The following ROR2 variants were observed in gnomAD, a reference collection of about 807,000 sequenced individuals.
ROR2 encodes the protein ROR family WNT receptor 2, also known as tyrosine-protein kinase transmembrane receptor ROR2.
A neutral mutation model predicts 74.9 loss-of-function variants in ROR2; 33 were observed. The observed-to-expected ratio is 0.44, with a 90% CI of 0.33 to 0.59. The LOEUF (loss-of-function observed/expected upper bound fraction) is 0.59. Ranked by LOEUF, ROR2 falls within the 20% of genes least tolerant of loss-of-function variation. ROR2 has a pLI of 0.02. For missense variants in ROR2, 1,216 were observed against 1,313.8 expected, an observed-to-expected ratio of 0.93 and a Z score of 1.15; for synonymous variants, 586 against 558.7, an observed-to-expected ratio of 1.05 and a Z score of -0.69.
chr9:91,883,976 T>C (rs112328499), intron 1 of ROR2, among the ~76,000 whole-genome samples: 1,643 of 152,246 alleles, frequency 0.011, 38 homozygotes, highest in African/African-American at 0.038. Flanking sequence ...GTTATGGCCA[T>C]TGAGACAAGT....
intron 1 of ROR2, among the ~76,000 whole-genome samples, chr9:91,917,241 G>A (rs112309350): frequency 2.6e-5 from 4 of 152,078 alleles, no homozygotes; most frequent in African/African-American, 4.8e-5. Context: ...ACCCCCTTAC[G>A]CTGGGTCTGT....
intron 1 of ROR2, among the ~76,000 whole-genome samples, chr9:91,854,203 G>C (rs1829202384): frequency 6.6e-6 from 1 of 152,190 alleles, no homozygotes; most frequent in African/African-American, 2.4e-5. Flanking sequence ...TATTGTTGGA[G>C]GATTGCTGAT....
chr9:91,914,213 G>C (rs1371934869), intron 1 of ROR2, among the ~76,000 whole-genome samples: 1 of 152,102 alleles, frequency 6.6e-6, no homozygotes, highest in African/African-American at 2.4e-5. Flanking sequence ...TTCGAGCCAC[G>C]GGGCCATCCT....
At chr9:91,770,476 C>T (rs1272410645) in intron 2 of ROR2, among the ~76,000 whole-genome samples, 2 of 152,174 alleles carry the variant, frequency 1.3e-5, no homozygotes, top group East Asian at 3.9e-4. Flanking sequence ...GAGTGTCTTC[C>T]GTATTCTAAG....
chr9:91,793,020 G>T (rs902287882), intron 1 of ROR2, among the ~76,000 whole-genome samples: 1 of 152,316 alleles, frequency 6.6e-6, no homozygotes, highest in Admixed American at 6.5e-5. Flanking sequence ...ATCCTTCATA[G>T]TCTCTTCCTA....
intron 2 of ROR2, among the ~76,000 whole-genome samples, chr9:91,765,528 G>A (rs991406668): frequency 6.6e-6 from 1 of 152,200 alleles, no homozygotes; most frequent in Non-Finnish European, 1.5e-5. Flanking sequence ...TTTTGGCTTG[G>A]AATTTCCTAT....
chr9:91,727,197 T>C (rs1045399555), intron 7 of ROR2, among the ~76,000 whole-genome samples: 5 of 152,166 alleles, frequency 3.3e-5, no homozygotes, highest in African/African-American at 1.2e-4. Context: ...ACACGATCCT[T>C]TTCCTCATTC....
At chr9:91,838,991 G>A (rs1387767131) in intron 1 of ROR2, among the ~76,000 whole-genome samples, 2 of 152,062 alleles carry the variant, frequency 1.3e-5, no homozygotes, top group East Asian at 1.9e-4. Context: ...ATCTAACAAC[G>A]GAATCCTGGG....
At chr9:91,882,383 C>T (rs1830137418) in intron 1 of ROR2, among the ~76,000 whole-genome samples, 1 of 150,292 alleles carries the variant, frequency 6.7e-6, no homozygotes, top group Admixed American at 6.7e-5. Flanking sequence ...TGCACTCCAG[C>T]CCAGGCGACA....
chr9:91,871,800 C>A (rs1370946693), intron 1 of ROR2, among the ~76,000 whole-genome samples: 2 of 152,196 alleles, frequency 1.3e-5, no homozygotes, highest in African/African-American at 2.4e-5. Flanking sequence ...GAAGGCCAAG[C>A]CACCTGGAGA....
At chr9:91,784,867 C>A (rs1299138912) in intron 1 of ROR2, among the ~76,000 whole-genome samples, 1 of 152,162 alleles carries the variant, frequency 6.6e-6, no homozygotes, top group African/African-American at 2.4e-5. Flanking sequence ...AGGTAACTGG[C>A]TGTTTATTTT....
intron 1 of ROR2, among the ~76,000 whole-genome samples, chr9:91,895,780 G>C (rs1830522663): frequency 6.6e-6 from 1 of 152,196 alleles, no homozygotes. Context: ...AAAGACGGCG[G>C]TTGCAGTGAG....
Position 91,764,767 on chromosome 9 carries a change from T to C in ROR2, c.176-7208A>G, listed in dbSNP as rs73651507. 8.3e-3 allele frequency among the ~76,000 whole-genome samples: 1,261 copies of C among 152,314 alleles called. 24 individuals are homozygous for C. The highest frequency in any genetic ancestry group is 0.028 in the African/African-American group (1,147 of 41,574). ...GCTCATCCTGAATAACATTCATTCT[T>C]TGGGTAAAGGACTAAGGCTGCAAAC... is the stretch of plus-strand genomic sequence containing the variant. On this transcript the variant is annotated intron_variant, in intron 2 of 8. Coordinates refer to ENST00000375708, the MANE Select transcript of ROR2 (RefSeq NM_004560.4).
At chr9:91,833,960 C>A (rs1038223960) in intron 1 of ROR2, among the ~76,000 whole-genome samples, 4 of 152,154 alleles carry the variant, frequency 2.6e-5, no homozygotes, top group African/African-American at 9.7e-5. Flanking sequence ...CCTCAAGCAC[C>A]CACAGGCTGA....
intron 1 of ROR2, among the ~76,000 whole-genome samples, chr9:91,867,396 T>C (rs1829665445): frequency 6.6e-6 from 1 of 152,168 alleles, no homozygotes; most frequent in African/African-American, 2.4e-5. Context: ...ATTCTGCAAT[T>C]GGAGGAGCTG....
intron 1 of ROR2, among the ~76,000 whole-genome samples, chr9:91,782,823 C>G (rs1194324359): frequency 6.6e-6 from 1 of 152,194 alleles, no homozygotes; most frequent in African/African-American, 2.4e-5. Context: ...CCAGAATTTG[C>G]TTCAGAGTCT....
chr9:91,883,648 G>A (rs1830184357), intron 1 of ROR2, among the ~76,000 whole-genome samples: 1 of 152,092 alleles, frequency 6.6e-6, no homozygotes, highest in African/African-American at 2.4e-5. Flanking sequence ...GGACAGTGCT[G>A]CCCAACAGAA....
rs1003730078 is a variant in ROR2 at position 91,932,596 on chromosome 9, G to A, written c.97+17271C>T. On this transcript the variant is annotated intron_variant, in intron 1 of 8. Transcript: ENST00000375708. ...GGAGAATCACTTGAACCAGGGAGGCGGAGGTTGCAGTGAGCCAAGATTGCG... is the reference window on the plus strand; with the variant it reads ...GGAGAATCACTTGAACCAGGGAGGCAGAGGTTGCAGTGAGCCAAGATTGCG... Among the ~76,000 whole-genome samples, 4 of 152,066 alleles carry A rather than the reference G, an allele frequency of 2.6e-5. 1 individual carries two copies. The highest frequency in any genetic ancestry group is 4.2e-4 in the South Asian group (2 of 4,810).
chr9:91,730,261 A>C (rs1478905147), intron 7 of ROR2, among the ~76,000 whole-genome samples: 2 of 152,030 alleles, frequency 1.3e-5, no homozygotes, highest in South Asian at 4.2e-4. Context: ...TAATGGAGAA[A>C]CAAAATGTCA....
Sources: allele counts gnomAD v4.1 joint callset (sites outside exome capture counted in the v4.1 genomes callset), GRCh38; gene constraint gnomAD v4.1.1; transcripts MANE v1.5; gene names NCBI Gene and HGNC (gene_info 2026-07-23, HGNC 2026-07-21).